The following PDGFRA variants were observed in gnomAD, a reference collection of about 807,000 sequenced individuals.
The protein encoded by PDGFRA is platelet-derived growth factor receptor alpha.
Under a neutral mutation model 121.5 loss-of-function variants are expected in PDGFRA, and 25 were observed. The ratio of observed to expected loss-of-function variants is 0.21; its 90% CI spans 0.15 to 0.29. The LOEUF (loss-of-function observed/expected upper bound fraction) is 0.29, where lower values mean the gene tolerates loss of function less well. Ranked by LOEUF, PDGFRA falls within the 10% of genes least tolerant of loss-of-function variation. PDGFRA has a pLI of 1.00. For synonymous variants in PDGFRA, 463 were observed against 494.8 expected, an observed-to-expected ratio of 0.94 and a Z score of 0.85; for missense variants, 1,008 against 1,345.1, an observed-to-expected ratio of 0.75 and a Z score of 3.92.
At chr4:54,264,385 T>C (rs749875354) in intron 4 of PDGFRA, 48 of 250,468 alleles carry the variant, frequency 1.9e-4, no homozygotes, top group Non-Finnish European at 3.3e-4. Context: ...CAACAGATAT[T>C]TCCTGAACAC....
intron 1 of PDGFRA, among the ~76,000 whole-genome samples, chr4:54,249,444 G>T (rs1434329848): frequency 6.6e-6 from 1 of 152,160 alleles, no homozygotes; most frequent in East Asian, 1.9e-4. Flanking sequence ...CCATGGAATA[G>T]TATGCAGCCA....
Position 54,264,934 on chromosome 4 carries a change from A to G in PDGFRA, c.644A>G (p.Asp215Gly). ...TTTTTTATAGCAACATCAGAGCTGG[A>G]TCTAGAAATGGAAGCTCTTAAAACC... The part of the protein sequence containing the change: ...VYALKATSEL[D>G]LEMEALKTVY... The change falls in exon 5 of 23, where the codon GAT (aspartate) becomes GGT (glycine). Residue 215 changes from aspartate (D) to glycine (G), a missense_variant. By Grantham distance (94) the Asp-to-Gly change is moderately conservative. Coordinates refer to ENST00000257290, the MANE Select transcript of PDGFRA (RefSeq NM_006206.6). 4 of 1,612,606 alleles carry G rather than the reference A, an allele frequency of 2.5e-6. No individual in the cohort carries two copies. Among genetic ancestry groups the G allele is most frequent in the African/African-American group, 1.3e-5 (1 of 74,826 alleles).
chr4:54,268,827 C>T (rs1723177575), intron 7 of PDGFRA, among the ~76,000 whole-genome samples: 1 of 152,188 alleles, frequency 6.6e-6, no homozygotes. Context: ...AACCCTGGTA[C>T]AGCTAACACC....
At chr4:54,271,819 CTCCT>C (rs1320066632) in intron 8 of PDGFRA, among the ~76,000 whole-genome samples, 6 of 140,984 alleles carry the variant, frequency 4.3e-5, no homozygotes, top group African/African-American at 7.9e-5. Flanking sequence ...TTGCCTTTCT[CTCCT>C]TCCTTCCTTC....
Position 54,277,190 on chromosome 4 carries a change from G to A in PDGFRA, c.1787-198G>A, listed in dbSNP as rs369598882. On this transcript the variant is annotated intron_variant, in intron 12 of 22. Transcript: ENST00000257290. ...TTTCTTTCCCTTGCAAGTGTTATTCGACAAAAGCAATTATGCTAATTTCCT... is the reference window on the plus strand; with the variant it reads ...TTTCTTTCCCTTGCAAGTGTTATTCAACAAAAGCAATTATGCTAATTTCCT... The A allele has an allele frequency of 1.9e-4, 118 of 628,048 alleles. 1 individual carries two copies. In the East Asian group the frequency reaches 3.1e-3, roughly 16 times the overall value. 38.9% of individuals were successfully genotyped at this position (628,048 alleles called of 1,614,324 possible). A position where few individuals can be genotyped will look rare whatever the true frequency, so the allele number is the denominator to read the frequency against.
At chr4:54,285,302 G>A in intron 16 of PDGFRA, 69 bp from the exon 17 acceptor site, 1 of 783,130 alleles carries the variant, frequency 1.3e-6, no homozygotes, top group South Asian at 1.3e-5. Context: ...TGTTCTTTGG[G>A]CATGCCTCTG....
intron 22 of PDGFRA, among the ~76,000 whole-genome samples, chr4:54,292,715 A>T (rs1457525216): frequency 1.3e-5 from 2 of 152,140 alleles, no homozygotes; most frequent in African/African-American, 4.8e-5. Flanking sequence ...GAACAAGATC[A>T]TGTCCTTTGC....
chr4:54,264,458 A>AT (rs1722923673), intron 4 of PDGFRA: 1 of 247,420 alleles, frequency 4.0e-6, no homozygotes, highest in African/African-American at 2.3e-5. Flanking sequence ...AGCACAGCTA[A>AT]TTTTGTGCCA....
intron 1 of PDGFRA, among the ~76,000 whole-genome samples, chr4:54,254,117 A>G (rs1430493103): frequency 2.0e-5 from 3 of 152,196 alleles, no homozygotes; most frequent in Non-Finnish European, 4.4e-5. Context: ...GAGTAGAAAA[A>G]GTGACAGGAA....
intron 1 of PDGFRA, chr4:54,240,092 A>G: frequency 2.5e-6 from 1 of 405,742 alleles, no homozygotes; most frequent in Non-Finnish European, 5.1e-6. Context: ...GGCTCAAATG[A>G]TCTGCCTGCC....
chr4:54,259,281 C>A (rs369845941), intron 2 of PDGFRA, among the ~76,000 whole-genome samples: 8 of 152,078 alleles, frequency 5.3e-5, no homozygotes, highest in Admixed American at 3.3e-4. Context: ...TGACTAGCCA[C>A]CACACTCCAG....
In PDGFRA at chr4:54,292,074, T is replaced by A. The variant is rs185088923; in HGVS notation, c.3122+1520T>A. Among the ~76,000 whole-genome samples, 491 of 152,098 alleles carry A rather than the reference T, an allele frequency of 3.2e-3. 2 individuals carry two copies. Among genetic ancestry groups the A allele is most frequent in the African/African-American group, 0.011 (472 of 41,466 alleles). On this transcript the variant is annotated intron_variant, in intron 22 of 22. Transcript: ENST00000257290. ...AACACTTTTACAATGTTGGTTGGAG[T>A]GTAAATTAGTTCAACCATTGTGGAA...
intron 1 of PDGFRA, among the ~76,000 whole-genome samples, chr4:54,249,868 A>T (rs776395421): frequency 3.9e-4 from 59 of 152,168 alleles, no homozygotes; most frequent in Non-Finnish European, 8.1e-4. Context: ...CATTAGGATT[A>T]AAAAGCACAA....
At chr4:54,264,056 ACC>A (rs1722906387) in intron 4 of PDGFRA, 129 bp downstream of exon 4, 1 of 790,180 alleles carries the variant, frequency 1.3e-6, no homozygotes, top group African/African-American at 1.8e-5. Flanking sequence ...GGGATTTAGG[ACC>A]CCAGCTAATA....
chr4:54,250,418 A>G (rs1721989518), intron 1 of PDGFRA, among the ~76,000 whole-genome samples: 1 of 152,212 alleles, frequency 6.6e-6, no homozygotes, highest in African/African-American at 2.4e-5. Flanking sequence ...GGCTTATTAG[A>G]TATATTAAAA....
chr4:54,294,177 G>A (rs1000270553), intron 22 of PDGFRA, among the ~76,000 whole-genome samples: 21 of 151,872 alleles, frequency 1.4e-4, no homozygotes, highest in South Asian at 1.3e-3. Flanking sequence ...TTTTTATAAC[G>A]TGTTTATATC....
chr4:54,264,731 TA>T (rs1577710927), intron 4 of PDGFRA, 187 bp from the exon 5 acceptor site: 1 of 560,126 alleles, frequency 1.8e-6, no homozygotes, highest in East Asian at 3.1e-5. Flanking sequence ...GTATTATAAC[TA>T]TATGCCTAAT....
At chr4:54,254,299 G>A (rs967621549) in intron 1 of PDGFRA, among the ~76,000 whole-genome samples, 2 of 152,210 alleles carry the variant, frequency 1.3e-5, no homozygotes, top group Non-Finnish European at 2.9e-5. Flanking sequence ...AACAGGCCTA[G>A]ATTTCTACCC....
intron 16 of PDGFRA, among the ~76,000 whole-genome samples, chr4:54,284,771 G>T (rs761845932): frequency 6.7e-6 from 1 of 149,104 alleles, no homozygotes; most frequent in Admixed American, 6.8e-5. Flanking sequence ...TGAGATTTGG[G>T]TGGGGACACA....
Sources: allele counts gnomAD v4.1 joint callset (sites outside exome capture counted in the v4.1 genomes callset), GRCh38; gene constraint gnomAD v4.1.1; transcripts MANE v1.5; gene names NCBI Gene and HGNC (gene_info 2026-07-23, HGNC 2026-07-21).